Variants in PIGU observed in about 807,000 individuals in gnomAD.
The protein encoded by PIGU is GPI-anchor transamidase component PIGU.
In PIGU, 24 loss-of-function variants were observed where a neutral mutation model predicts 49.9. That is an observed-to-expected ratio of 0.48 (90% confidence interval 0.35 to 0.68). The LOEUF (loss-of-function observed/expected upper bound fraction) is 0.68. Ranked by LOEUF, PIGU falls within the 30% of genes least tolerant of loss-of-function variation. The pLI is 0.01. For missense variants in PIGU, 490 were observed against 532.6 expected (o/e 0.92, Z 0.79); for synonymous variants, 220 against 205.7 (o/e 1.07, Z -0.59).
intron 9 of PIGU, among the ~76,000 whole-genome samples, chr20:34,584,548 G>A (rs1159521450): frequency 8.3e-6 from 1 of 121,130 alleles, no homozygotes; most frequent in African/African-American, 3.3e-5. Context: ...ACTTCCGCCT[G>A]TCATCCAGGC....
chr20:34,619,828 T>C (rs545823960), intron 6 of PIGU, among the ~76,000 whole-genome samples: 9 of 152,212 alleles, frequency 5.9e-5, no homozygotes, highest in Non-Finnish European at 1.2e-4. Flanking sequence ...TGAAGTAGTC[T>C]TTGGGAAGGA....
chr20:34,601,632 G>A (rs1035788285), intron 7 of PIGU, among the ~76,000 whole-genome samples: 1 of 152,184 alleles, frequency 6.6e-6, no homozygotes, highest in Non-Finnish European at 1.5e-5. Flanking sequence ...CTGCTGAAAC[G>A]ACCTGCTGTG....
At chr20:34,570,603 C>T (rs755474877) in intron 11 of PIGU, among the ~76,000 whole-genome samples, 9 of 152,018 alleles carry the variant, frequency 5.9e-5, no homozygotes, top group African/African-American at 1.7e-4. Flanking sequence ...TTAGTAGAGA[C>T]GGGGTTTCAC....
At chr20:34,615,609 A>G (rs770185790) in intron 7 of PIGU, among the ~76,000 whole-genome samples, 4 of 152,184 alleles carry the variant, frequency 2.6e-5, no homozygotes, top group Non-Finnish European at 5.9e-5. Flanking sequence ...CAAACAATTC[A>G]TAAGTTTTAA....
intron 9 of PIGU, among the ~76,000 whole-genome samples, chr20:34,582,162 G>A (rs550231342): frequency 5.3e-5 from 8 of 152,316 alleles, no homozygotes; most frequent in East Asian, 1.9e-4. Flanking sequence ...CCCATAGTGC[G>A]ATGAACTTCT....
chr20:34,640,054 T>C (rs377188562), intron 4 of PIGU, among the ~76,000 whole-genome samples: 3 of 152,004 alleles, frequency 2.0e-5, no homozygotes, highest in African/African-American at 7.3e-5. Context: ...GAGAAAGGAA[T>C]AGAGTTCATC....
intron 11 of PIGU, among the ~76,000 whole-genome samples, chr20:34,565,113 G>C (rs1007795768): frequency 6.6e-6 from 1 of 152,226 alleles, no homozygotes; most frequent in African/African-American, 2.4e-5. Flanking sequence ...GTCTGGACAG[G>C]GGCGAGTTGG....
At chr20:34,607,606 A>G (rs914271477) in intron 7 of PIGU, among the ~76,000 whole-genome samples, 5 of 152,210 alleles carry the variant, frequency 3.3e-5, no homozygotes, top group Non-Finnish European at 5.9e-5. Flanking sequence ...GTGCAACCTG[A>G]TACCTCCTGG....
intron 6 of PIGU, among the ~76,000 whole-genome samples, chr20:34,621,099 T>C (rs568045047): frequency 5.3e-5 from 8 of 151,714 alleles, no homozygotes; most frequent in African/African-American, 1.9e-4. Flanking sequence ...TATGTTTCTC[T>C]CTCTCCCCAT....
intron 6 of PIGU, among the ~76,000 whole-genome samples, chr20:34,630,601 C>A (rs1243319822): frequency 6.6e-6 from 1 of 152,136 alleles, no homozygotes; most frequent in African/African-American, 2.4e-5. Context: ...CAAGCCCTGC[C>A]CATGCACGGA....
At chr20:34,661,751 C>G (rs368571630) in intron 1 of PIGU, among the ~76,000 whole-genome samples, 27 of 152,174 alleles carry the variant, frequency 1.8e-4, no homozygotes, top group Middle Eastern at 3.4e-3. Context: ...ATTGATGGGT[C>G]GAATGGCAGT....
chr20:34,640,389 C>G (rs1986111613), intron 4 of PIGU, among the ~76,000 whole-genome samples: 1 of 152,072 alleles, frequency 6.6e-6, no homozygotes, highest in African/African-American at 2.4e-5. Flanking sequence ...ATCAGCTCTC[C>G]TAAGTGTAGA....
chr20:34,584,958 G>A (rs754327577), intron 9 of PIGU, among the ~76,000 whole-genome samples: 15 of 152,198 alleles, frequency 9.9e-5, no homozygotes, highest in South Asian at 4.1e-4. Context: ...AAAGTGCTGG[G>A]ATTATATGCG....
chr20:34,645,667 A>G (rs6059964), intron 2 of PIGU, among the ~76,000 whole-genome samples: 150,194 of 151,816 alleles, frequency 0.99, 74,307 homozygotes, highest in East Asian at 1. Context: ...AGGCTGAGGC[A>G]GGCAGATCAC....
chr20:34,584,380 C>T (rs1057286960), intron 9 of PIGU, among the ~76,000 whole-genome samples: 1 of 152,050 alleles, frequency 6.6e-6, no homozygotes, highest in African/African-American at 2.4e-5. Context: ...TAAACAGTTG[C>T]AGGTGGCCAG....
At chr20:34,616,011 G>C in intron 7 of PIGU, 31 bp downstream of exon 7, 3 of 1,583,860 alleles carry the variant, frequency 1.9e-6, no homozygotes, top group Non-Finnish European at 2.6e-6. Context: ...AATGTCACTT[G>C]GGTGCTGGCT....
intron 11 of PIGU, among the ~76,000 whole-genome samples, chr20:34,570,743 T>C (rs1982977960): frequency 6.6e-6 from 1 of 152,260 alleles, no homozygotes; most frequent in Admixed American, 6.5e-5. Context: ...TTTTCTTATG[T>C]TCTCTGTTTT....
At chr20:34,664,788 G>C (rs570974151) in intron 1 of PIGU, among the ~76,000 whole-genome samples, 47 of 151,964 alleles carry the variant, frequency 3.1e-4, no homozygotes, top group Non-Finnish European at 5.3e-4. Context: ...TCAGGAATTC[G>C]AGACTGGCCT....
chr20:34,584,655 G>A (rs997862630), intron 9 of PIGU, among the ~76,000 whole-genome samples: 1 of 151,804 alleles, frequency 6.6e-6, no homozygotes, highest in East Asian at 1.9e-4. Flanking sequence ...GACTACAGGG[G>A]CACACCACCA....
Sources: allele counts gnomAD v4.1 joint callset (sites outside exome capture counted in the v4.1 genomes callset), GRCh38; gene constraint gnomAD v4.1.1; transcripts MANE v1.5; gene names NCBI Gene and HGNC (gene_info 2026-07-23, HGNC 2026-07-21).